Variants in PRUNE2 observed in about 807,000 individuals in gnomAD.
The protein encoded by PRUNE2 is protein prune homolog 2.
A neutral mutation model predicts 252.0 loss-of-function variants in PRUNE2; 164 were observed. The observed-to-expected ratio is 0.65, with a 90% CI of 0.57 to 0.74. The LOEUF is 0.74. PRUNE2 is among the 30% of genes least tolerant of loss of function. The pLI is 0.00. For missense variants in PRUNE2, 3,495 were observed against 3,711.0 expected (o/e 0.94, Z 1.51); for synonymous variants, 1,292 against 1,350.2 (o/e 0.96, Z 0.94).
intron 9 of PRUNE2, among the ~76,000 whole-genome samples, chr9:76,676,861 T>C (rs1242082436): frequency 2.6e-5 from 4 of 152,242 alleles, no homozygotes; most frequent in Admixed American, 6.5e-5. Context: ...GCACATGAGC[T>C]GAAATGTTAC....
chr9:76,671,777 C>G (rs1338712814), intron 9 of PRUNE2, among the ~76,000 whole-genome samples: 2 of 150,288 alleles, frequency 1.3e-5, no homozygotes, highest in African/African-American at 2.4e-5. Flanking sequence ...AATTTTCAAC[C>G]CAGAATTTCA....
chr9:76,823,638 G>T lies in PRUNE2; in HGVS notation c.750C>A (p.Asn250Lys). The change falls in exon 6 of 19, where the codon AAC becomes AAA. Residue 250 changes from asparagine to lysine, a missense_variant. Coordinates refer to ENST00000376718, the MANE Select transcript of PRUNE2 (RefSeq NM_015225.3). Reference sequence around the variant, plus strand: ...AAAGCATTCCCACCCTTACCTCAAGGTTCATGCTCACAGTACTAATGGCCA... The same window carrying T: ...AAAGCATTCCCACCCTTACCTCAAGTTTCATGCTCACAGTACTAATGGCCA... ...IKVAISTVSM[N>K]LENCLFHSNI... The T allele has an allele frequency of 6.3e-7, 1 of 1,593,486 alleles. No homozygotes were observed. The highest frequency in any genetic ancestry group is 8.6e-7 in the Non-Finnish European group (1 of 1,161,356).
chr9:76,852,479 A>G lies in PRUNE2; in HGVS notation c.141+1625T>C, dbSNP rs116195462. Among the ~76,000 whole-genome samples the G allele has an allele frequency of 4.8e-3, 731 of 152,276 alleles. 7 individuals carry two copies. The highest frequency in any genetic ancestry group is 0.017 in the African/African-American group (703 of 41,538). On this transcript the variant is annotated intron_variant, in intron 2 of 18. Transcript: ENST00000376718. Reference sequence around the variant, plus strand: ...TGAGAAAGCCAGTTTCCTCTCTGAGACTCTGTGTTCCCCATCTGAAAATGC... The same window carrying G: ...TGAGAAAGCCAGTTTCCTCTCTGAGGCTCTGTGTTCCCCATCTGAAAATGC...
rs1033502885 is a variant in PRUNE2, at chr9:76,613,030, G to A, written c.*1540C>T. ...GAGGCACGGACTTCAGCCAACACCTGTATATACTAAAGAAGTGCTTCTAAG... is the reference window on the plus strand; with the variant it reads ...GAGGCACGGACTTCAGCCAACACCTATATATACTAAAGAAGTGCTTCTAAG... On this transcript the variant is annotated 3_prime_UTR_variant, in exon 19 of 19. Transcript: ENST00000376718. 2 of 152,120 alleles carry A rather than the reference G, an allele frequency of 1.3e-5. No homozygotes were observed. Among genetic ancestry groups the A allele is most frequent in the Non-Finnish European group, 2.9e-5 (2 of 68,024 alleles). 9.4% of individuals were successfully genotyped at this position (152,120 alleles called of 1,614,324 possible).
At chr9:76,676,851 G>A (rs1172041097) in intron 9 of PRUNE2, among the ~76,000 whole-genome samples, 3 of 152,210 alleles carry the variant, frequency 2.0e-5, no homozygotes, top group Non-Finnish European at 4.4e-5. Flanking sequence ...AAATAGCGAA[G>A]CACATGAGCT....
At chr9:76,624,379 G>T in intron 17 of PRUNE2, 73 bp downstream of exon 17, 1 of 1,017,808 alleles carries the variant, frequency 9.8e-7, no homozygotes, top group Non-Finnish European at 1.3e-6. Context: ...CACCAGGCAT[G>T]CAGATTTTCC....
At chr9:76,769,560 G>A (rs1391761961) in intron 6 of PRUNE2, among the ~76,000 whole-genome samples, 1 of 152,126 alleles carries the variant, frequency 6.6e-6, no homozygotes, top group Non-Finnish European at 1.5e-5. Flanking sequence ...CAAGTAGCTG[G>A]GATTACAGGC....
At chr9:76,687,949 A>C (rs2044276535) in intron 9 of PRUNE2, among the ~76,000 whole-genome samples, 1 of 152,192 alleles carries the variant, frequency 6.6e-6, no homozygotes, top group East Asian at 1.9e-4. Context: ...CCCGTTAGTA[A>C]GCCAGGGAGG....
chr9:76,875,631 T>C (rs1006063754), intron 1 of PRUNE2, among the ~76,000 whole-genome samples: 1 of 152,226 alleles, frequency 6.6e-6, no homozygotes, highest in Non-Finnish European at 1.5e-5. Flanking sequence ...CCCAAAGTGC[T>C]GGGATTACAA....
chr9:76,823,885 A>G (rs995212175), intron 5 of PRUNE2, among the ~76,000 whole-genome samples, 159 bp from the exon 6 acceptor site: 1 of 152,088 alleles, frequency 6.6e-6, no homozygotes, highest in East Asian at 1.9e-4. Context: ...CACTAAGGCA[A>G]TAATCACATC....
chr9:76,643,792 G>A (rs960589821), intron 12 of PRUNE2, among the ~76,000 whole-genome samples: 3 of 152,170 alleles, frequency 2.0e-5, no homozygotes, highest in South Asian at 4.1e-4. Flanking sequence ...ATCTGCTGGC[G>A]GAGAAAGGTT....
chr9:76,701,965 G>A (rs2045920998), intron 9 of PRUNE2, among the ~76,000 whole-genome samples: 1 of 152,142 alleles, frequency 6.6e-6, no homozygotes, highest in East Asian at 1.9e-4. Context: ...TCATGGTAGA[G>A]GCAGGCTGGA....
rs762261895 is a variant in PRUNE2, at chr9:76,850,685, C to T, written c.142-20G>A. On this transcript the variant is annotated intron_variant, in intron 2 of 18. Coordinates refer to ENST00000376718, the MANE Select transcript of PRUNE2 (RefSeq NM_015225.3). The stretch of plus-strand genomic sequence containing the variant: ...ACTGACCTACCAAGAAAAAAGTTGA[C>T]TGAATTACTGAAAATAGCAGGAGGA... 2.6e-6 allele frequency: 4 copies of T among 1,542,352 alleles called. No homozygotes were observed. The Admixed American group carries it at 6.8e-5, about 26-fold the overall frequency.
chr9:76,860,199 T>C (rs2060474763), intron 1 of PRUNE2, among the ~76,000 whole-genome samples: 1 of 152,326 alleles, frequency 6.6e-6, no homozygotes, highest in African/African-American at 2.4e-5. Flanking sequence ...AAAGACCAGT[T>C]ACTTAGGTTT....
intron 6 of PRUNE2, among the ~76,000 whole-genome samples, chr9:76,780,453 C>T (rs1006747262): frequency 3.3e-5 from 5 of 151,988 alleles, no homozygotes; most frequent in Admixed American, 6.6e-5. Context: ...TTTGGGAGGC[C>T]GAGGCGGGCG....
intron 6 of PRUNE2, among the ~76,000 whole-genome samples, chr9:76,820,743 T>C (rs2057991169): frequency 6.6e-6 from 1 of 152,192 alleles, no homozygotes; most frequent in African/African-American, 2.4e-5. Flanking sequence ...GTGGGCCATT[T>C]TTCATCTGCT....
intron 6 of PRUNE2, among the ~76,000 whole-genome samples, chr9:76,792,111 T>C (rs1313100388): frequency 6.6e-6 from 1 of 152,058 alleles, no homozygotes; most frequent in African/African-American, 2.4e-5. Flanking sequence ...CCCACCCAAA[T>C]CTCATTTTGA....
intron 6 of PRUNE2, among the ~76,000 whole-genome samples, chr9:76,720,898 G>A (rs2047584737): frequency 6.6e-6 from 1 of 152,120 alleles, no homozygotes; most frequent in Admixed American, 6.5e-5. Flanking sequence ...CGGATCACAA[G>A]ATCAGGAGAT....
At chr9:76,749,648 T>A (rs11145042) in intron 6 of PRUNE2, among the ~76,000 whole-genome samples, 1 of 152,200 alleles carries the variant, frequency 6.6e-6, no homozygotes, top group South Asian at 2.1e-4. Context: ...CTCCTTTCTC[T>A]TGCTGCAAAA....
Sources: allele counts gnomAD v4.1 joint callset (sites outside exome capture counted in the v4.1 genomes callset), GRCh38; gene constraint gnomAD v4.1.1; transcripts MANE v1.5; gene names NCBI Gene and HGNC (gene_info 2026-07-23, HGNC 2026-07-21).